SRGAP2: variants seen among roughly 807,000 people sequenced by gnomAD.
The protein encoded by SRGAP2 is SLIT-ROBO Rho GTPase-activating protein 2.
SRGAP2 carries 15 observed loss-of-function variants against 57.2 expected under a neutral mutation model. That is an observed-to-expected ratio of 0.26 (90% CI 0.18 to 0.40). The LOEUF (loss-of-function observed/expected upper bound fraction) is 0.40, where lower values mean the gene tolerates loss of function less well. Ranked by LOEUF, SRGAP2 falls within the 10% of genes least tolerant of loss-of-function variation. The pLI, the probability that SRGAP2 is intolerant of heterozygous loss-of-function variation, is 1.00. For synonymous variants in SRGAP2, 249 were observed against 248.0 expected, an observed-to-expected ratio of 1.00 and a Z score of -0.04; for missense variants, 520 against 669.6, an observed-to-expected ratio of 0.78 and a Z score of 2.47.
Position 206,463,743 on chromosome 1 carries a change from AC to A in SRGAP2, c.*2325del, listed in dbSNP as rs1553381864. ...CTTCCCCATCTCTGGTGCTCCTAAC[AC>A]CTGTGAGATGGTCCTGTCGAGAGGA... On this transcript the variant is annotated 3_prime_UTR_variant, in exon 23 of 23. Coordinates refer to ENST00000573034, the MANE Select transcript of SRGAP2 (RefSeq NM_015326.5). The A allele has an allele frequency of 6.6e-6, 1 of 152,510 alleles. No homozygotes were observed. The highest frequency in any genetic ancestry group is 1.9e-4 in the East Asian group (1 of 5,194). The allele number at this position is 152,510 out of a possible 1,614,324, so 9.4% of individuals were successfully genotyped here. A position where few individuals can be genotyped will look rare whatever the true frequency, so the allele number is the denominator to read the frequency against.
intron 3 of SRGAP2, among the ~76,000 whole-genome samples, chr1:206,314,310 T>C (rs1326831982): frequency 2.6e-5 from 4 of 152,116 alleles, no homozygotes; most frequent in Non-Finnish European, 5.9e-5. Context: ...AATTTTGTAT[T>C]TTTAGTAGAG....
At chr1:206,389,379 G>A (rs575874679) in intron 5 of SRGAP2, among the ~76,000 whole-genome samples, 1 of 151,828 alleles carries the variant, frequency 6.6e-6, no homozygotes, top group African/African-American at 2.4e-5. Flanking sequence ...GGGTTTCATC[G>A]TGTTAGCCAG....
chr1:206,442,497 G>A (rs1460514280), intron 17 of SRGAP2, among the ~76,000 whole-genome samples: 4 of 152,222 alleles, frequency 2.6e-5, no homozygotes, highest in Admixed American at 2.6e-4. Context: ...AAAACAGGGA[G>A]GGCTGGGGGA....
intron 3 of SRGAP2, chr1:206,333,372 A>G: frequency 1.4e-6 from 2 of 1,405,540 alleles, no homozygotes; most frequent in Admixed American, 1.7e-5. Flanking sequence ...CATCCTTCTA[A>G]ACTATCCTCA....
rs1465608105 is a variant in SRGAP2, at chr1:206,439,877, G to A, written c.1769-99G>A. 5.8e-6 allele frequency: 4 copies of A among 695,536 alleles called. No individual in the cohort carries two copies. The East Asian group carries it at 1.1e-4, about 18-fold the overall frequency. 43.1% of individuals were successfully genotyped at this position (695,536 alleles called of 1,614,324 possible). A position where few individuals can be genotyped will look rare whatever the true frequency, so the allele number is the denominator to read the frequency against. On this transcript the variant is annotated intron_variant, in intron 16 of 22. Coordinates refer to ENST00000573034, the MANE Select transcript of SRGAP2 (RefSeq NM_015326.5). ...GTGCTGTGCGTGGGCTTGATCTGAT[G>A]CTGTCCGTGTTGCCCCTGCTGGTAG... is the stretch of plus-strand genomic sequence containing the variant.
At chr1:206,229,540 T>A (rs1196785410) in intron 2 of SRGAP2, among the ~76,000 whole-genome samples, 1 of 152,118 alleles carries the variant, frequency 6.6e-6, no homozygotes, top group Non-Finnish European at 1.5e-5. Flanking sequence ...ATAAACAAAT[T>A]GATAGGAATG....
In SRGAP2 at chr1:206,423,792, T is replaced by C. The variant is rs184760130; in HGVS notation, c.1494+2518T>C. Among the ~76,000 whole-genome samples, 108 of 151,994 alleles carry C rather than the reference T, an allele frequency of 7.1e-4. 2 individuals carry two copies. The highest frequency in any genetic ancestry group is 5.8e-3 in the Admixed American group (88 of 15,274). Reference sequence around the variant, plus strand: ...CACCTTTCTGATTTTTTTTTTTTCTTTTTTGAGACAGGGTCTGGCTGTGCC... The same window carrying C: ...CACCTTTCTGATTTTTTTTTTTTCTCTTTTGAGACAGGGTCTGGCTGTGCC... On this transcript the variant is annotated intron_variant, in intron 13 of 22. Transcript: ENST00000573034.
At chr1:206,357,610 T>G (rs1379959527) in intron 4 of SRGAP2, among the ~76,000 whole-genome samples, 6 of 134,120 alleles carry the variant, frequency 4.5e-5, no homozygotes, top group African/African-American at 6.0e-5. Context: ...TTTTTGGAGA[T>G]GGAGTTTCTT....
intron 4 of SRGAP2, among the ~76,000 whole-genome samples, chr1:206,368,788 AG>A (rs1380660286): frequency 1.3e-5 from 2 of 152,156 alleles, no homozygotes; most frequent in Non-Finnish European, 2.9e-5. Context: ...TTTAAGGCCC[AG>A]GGGCCCAGGA....
At chr1:206,371,738 A>AAG (rs2103023745) in intron 4 of SRGAP2, among the ~76,000 whole-genome samples, 2 of 86,112 alleles carry the variant, frequency 2.3e-5, no homozygotes, top group East Asian at 5.0e-4. Flanking sequence ...CTCCAAAAAA[A>AAG]AAAAGAAAAA....
At chr1:206,281,653 C>T (rs1210188923) in intron 2 of SRGAP2, among the ~76,000 whole-genome samples, 4 of 106,824 alleles carry the variant, frequency 3.7e-5, no homozygotes, top group South Asian at 6.8e-4. Flanking sequence ...GCCAACATAG[C>T]GAAATCCTGT....
chr1:206,432,396 C>G (rs1356899356), intron 14 of SRGAP2, among the ~76,000 whole-genome samples: 1 of 152,144 alleles, frequency 6.6e-6, no homozygotes, highest in Admixed American at 6.5e-5. Context: ...TATGCACTTA[C>G]GATCCAGCAG....
intron 4 of SRGAP2, among the ~76,000 whole-genome samples, chr1:206,350,134 C>CA (rs1553337838): frequency 6.7e-6 from 1 of 149,396 alleles, no homozygotes; most frequent in African/African-American, 2.4e-5. Context: ...TAAATGAGCT[C>CA]AAAAAACATT....
intron 3 of SRGAP2, among the ~76,000 whole-genome samples, chr1:206,335,937 C>T (rs1674742164): frequency 6.6e-6 from 1 of 152,186 alleles, no homozygotes; most frequent in Non-Finnish European, 1.5e-5. Flanking sequence ...AATTTGGGGA[C>T]CATTCCTAGT....
intron 2 of SRGAP2, among the ~76,000 whole-genome samples, chr1:206,263,852 C>G (rs1201468296): frequency 5.3e-5 from 8 of 151,528 alleles, no homozygotes; most frequent in Non-Finnish European, 1.0e-4. Context: ...ATAGAAAAAT[C>G]TCCAAAGAAC....
At chr1:206,429,141 A>G (rs1553367402) in intron 13 of SRGAP2, among the ~76,000 whole-genome samples, 3 of 152,166 alleles carry the variant, frequency 2.0e-5, no homozygotes, top group African/African-American at 7.2e-5. Context: ...CCCAGTCTGT[A>G]GAAGGCAAAT....
intron 4 of SRGAP2, among the ~76,000 whole-genome samples, chr1:206,375,272 T>G (rs1246714122): frequency 6.6e-6 from 1 of 152,132 alleles, no homozygotes; most frequent in Non-Finnish European, 1.5e-5. Context: ...TTGTGTCTTT[T>G]GTCCCTTATG....
intron 4 of SRGAP2, among the ~76,000 whole-genome samples, chr1:206,358,173 T>C (rs1676601423): frequency 6.6e-6 from 1 of 152,010 alleles, no homozygotes; most frequent in Non-Finnish European, 1.5e-5. Flanking sequence ...GTGGAGTTCT[T>C]TCACCATGCT....
chr1:206,454,694 ACCCTTCAAAGG>A lies in SRGAP2; in HGVS notation c.2361-178_2361-168del. The A allele has an allele frequency of 1.8e-6, 1 of 567,516 alleles. No homozygotes were observed. The highest frequency in any genetic ancestry group is 3.1e-6 in the Non-Finnish European group (1 of 322,446). 35.2% of individuals were successfully genotyped at this position (567,516 alleles called of 1,614,324 possible). A position where few individuals can be genotyped will look rare whatever the true frequency, so the allele number is the denominator to read the frequency against. On this transcript the variant is annotated intron_variant, in intron 20 of 22. Transcript: ENST00000573034. This position sits in a 1 kb window ranked among gnomAD's most constrained non-coding sequence, Gnocchi z 4.3. The stretch of plus-strand genomic sequence containing the variant: ...CGGATTATTTATTTTTATTTAAACG[ACCCTTCAAAGG>A]CCCTTAGGTTTCCTTGCCTCTGCTC...
Sources: allele counts gnomAD v4.1 joint callset (sites outside exome capture counted in the v4.1 genomes callset), GRCh38; gene constraint gnomAD v4.1.1; non-coding constraint Gnocchi (gnomAD v3.1); transcripts MANE v1.5; gene names NCBI Gene and HGNC (gene_info 2026-07-23, HGNC 2026-07-21).